DPP4: variants seen among roughly 807,000 people sequenced by gnomAD.
DPP4 encodes the protein dipeptidyl peptidase 4.
In DPP4, 93 loss-of-function variants were observed where a neutral mutation model predicts 122.4. That is an observed-to-expected ratio of 0.76 (90% CI 0.64 to 0.90). DPP4 has a LOEUF of 0.90. Ranked by LOEUF, DPP4 falls within the 40% of genes least tolerant of loss-of-function variation. The pLI is 0.00. For missense variants in DPP4, 914 were observed against 907.3 expected (o/e 1.01, Z -0.09); for synonymous variants, 321 against 302.9 (o/e 1.06, Z -0.62).
rs566503153 is a variant in DPP4 at position 162,048,161 on chromosome 2, G to T, written c.95-660C>A. The stretch of plus-strand genomic sequence containing the variant: ...ACATGCTGATCACCCAATTCAGGGA[G>T]CTTCATTAATATCATCACTTTTCTT... On this transcript the variant is annotated intron_variant, in intron 2 of 25. Transcript: ENST00000360534. Among the ~76,000 whole-genome samples the T allele has an allele frequency of 7.0e-4, 107 of 152,280 alleles. No individual in the cohort carries two copies. In the South Asian group the frequency reaches 8.7e-3, roughly 12 times the overall value.
In DPP4 at chr2:162,071,345, C is replaced by G. The variant is rs192331785; in HGVS notation, c.94+2054G>C. Among the ~76,000 whole-genome samples, 108 of 152,292 alleles carry G rather than the reference C, an allele frequency of 7.1e-4. 1 individual carries two copies. The highest frequency in any genetic ancestry group is 7.1e-3 in the Admixed American group (108 of 15,306). ...CAAGCTTGGCCCACAAAAGAAACCT[C>G]TTATAAGAAGTCTCTCCGCCGGGTG... On this transcript the variant is annotated intron_variant, in intron 2 of 25. Coordinates refer to ENST00000360534, the MANE Select transcript of DPP4 (RefSeq NM_001935.4).
chr2:162,008,913 G>A (rs1701350202), intron 21 of DPP4, among the ~76,000 whole-genome samples: 1 of 152,058 alleles, frequency 6.6e-6, no homozygotes, highest in South Asian at 2.1e-4. Flanking sequence ...TGACTGGGTG[G>A]TACCAATTAT....
Position 162,055,534 on chromosome 2 carries a change from T to C in DPP4, c.95-8033A>G, listed in dbSNP as rs151232694. Reference sequence around the variant, plus strand: ...CAACATGGTGAAACCCCATCTCTACTAAAATACAAAAAAAAGTCATCCTGG... The same window carrying C: ...CAACATGGTGAAACCCCATCTCTACCAAAATACAAAAAAAAGTCATCCTGG... On this transcript the variant is annotated intron_variant, in intron 2 of 25. Transcript: ENST00000360534. 1.7e-4 allele frequency among the ~76,000 whole-genome samples: 26 copies of C among 151,670 alleles called. No homozygotes were observed. The East Asian group carries it at 5.1e-3, about 29-fold the overall frequency.
chr2:162,017,032 A>G, intron 17 of DPP4, 76 bp downstream of exon 17: 1 of 1,510,758 alleles, frequency 6.6e-7, no homozygotes, highest in Non-Finnish European at 9.1e-7. Flanking sequence ...AGAAAATCAC[A>G]CAATGCTAAG....
chr2:162,019,265 C>T lies in DPP4; in HGVS notation c.1256G>A (p.Ser419Asn). ...TCCTGGCATTCCTTTATATTCATTA[C>T]TAATGTAGTATCTAGGAAGAGAAAA... ...ALTSDYLYYI[S>N]NEYKGMPGGR... is the part of the protein sequence containing the mutation. Residue 419 changes from serine to asparagine, a missense_variant, in exon 15 of 26, where the codon AGT (serine) becomes AAT (asparagine). Ser to Asn is a conservative substitution (Grantham distance 46). Coordinates refer to ENST00000360534, the MANE Select transcript of DPP4 (RefSeq NM_001935.4). 1 of 1,564,062 alleles carries T rather than the reference C, an allele frequency of 6.4e-7. No homozygotes were observed. Among genetic ancestry groups the T allele is most frequent in the East Asian group, 2.2e-5 (1 of 44,480 alleles).
chr2:162,026,187 C>T (rs530848944), intron 10 of DPP4, among the ~76,000 whole-genome samples: 5 of 152,272 alleles, frequency 3.3e-5, no homozygotes, highest in South Asian at 2.1e-4. Flanking sequence ...ACTGGGCACT[C>T]GGGATGGATT....
intron 5 of DPP4, among the ~76,000 whole-genome samples, 169 bp downstream of exon 5, chr2:162,045,363 C>T (rs1488845212): frequency 6.6e-6 from 1 of 152,110 alleles, no homozygotes; most frequent in African/African-American, 2.4e-5. Context: ...TTTTAAAACA[C>T]TGAACTTGTC....
At chr2:162,060,520 C>T (rs149433915) in intron 2 of DPP4, among the ~76,000 whole-genome samples, 1 of 152,300 alleles carries the variant, frequency 6.6e-6, no homozygotes, top group Non-Finnish European at 1.5e-5. Flanking sequence ...TTGTTTTCTT[C>T]CCTTTTTTCA....
chr2:162,019,247 A>T lies in DPP4; in HGVS notation c.1274T>A (p.Met425Lys). The change falls in exon 15 of 26, where the codon ATG (methionine) becomes AAG (lysine). Residue 425 changes from methionine to lysine, a missense_variant. Coordinates refer to ENST00000360534, the MANE Select transcript of DPP4 (RefSeq NM_001935.4). ...LYYISNEYKG[M>K]PGGRNLYKIQ... Reference sequence around the variant, plus strand: ...CTTATAAAGATTCCTTCCTCCTGGCATTCCTTTATATTCATTACTAATGTA... The same window carrying T: ...CTTATAAAGATTCCTTCCTCCTGGCTTTCCTTTATATTCATTACTAATGTA... 1 of 1,588,470 alleles carries T rather than the reference A, an allele frequency of 6.3e-7. No homozygotes were observed. Among genetic ancestry groups the T allele is most frequent in the Admixed American group, 1.7e-5 (1 of 58,318 alleles).
rs760153384 is a variant in DPP4 at position 162,073,982 on chromosome 2, C to T, written c.-1G>A. 1.2e-6 allele frequency: 2 copies of T among 1,612,262 alleles called. No homozygotes were observed. The highest frequency in any genetic ancestry group is 2.2e-5 in the South Asian group (2 of 90,762). ...TACGTGGCGCGGCACTCACCTTCAT[C>T]GTCGGCGTCTCCTCGGAAGTGAGCG... On this transcript the variant is annotated 5_prime_UTR_variant, in exon 1 of 26. Transcript: ENST00000360534.
At position 162,071,446 on chromosome 2, in the gene DPP4, A is replaced by G. The variant is rs180778833; in HGVS notation, c.94+1953T>C. Among the ~76,000 whole-genome samples, 486 of 152,222 alleles carry G rather than the reference A, an allele frequency of 3.2e-3. 1 individual carries two copies. The highest frequency in any genetic ancestry group is 0.011 in the African/African-American group (465 of 41,526). ...ATCATGAGGTCAGGAGATAAAGACCATCCTGGCCAACATGGTAAAACCCCA... is the reference window on the plus strand; with the variant it reads ...ATCATGAGGTCAGGAGATAAAGACCGTCCTGGCCAACATGGTAAAACCCCA... On this transcript the variant is annotated intron_variant, in intron 2 of 25. Transcript: ENST00000360534.
intron 12 of DPP4, among the ~76,000 whole-genome samples, chr2:162,021,306 C>A (rs1030677208): frequency 2.0e-5 from 3 of 151,988 alleles, no homozygotes; most frequent in Non-Finnish European, 2.9e-5. Flanking sequence ...CAACAATTTA[C>A]AAAAAATATT....
At chr2:161,993,624 AGAGAACTCACTGTGAATTTGGCTTT>A (rs1700920741) in intron 25 of DPP4, among the ~76,000 whole-genome samples, 1 of 152,148 alleles carries the variant, frequency 6.6e-6, no homozygotes, top group Non-Finnish European at 1.5e-5. Flanking sequence ...GCAGGTGCTG[AGAGAACTCACTGTGAATTTGGCTTT>A]ATTGAATAGT....
At chr2:162,009,658 A>T (rs1701373347) in intron 20 of DPP4, among the ~76,000 whole-genome samples, 1 of 151,924 alleles carries the variant, frequency 6.6e-6, no homozygotes, top group African/African-American at 2.4e-5. Flanking sequence ...ATCTCTCCAG[A>T]TGTTTTTCAG....
intron 10 of DPP4, among the ~76,000 whole-genome samples, chr2:162,025,854 G>C (rs1169324925): frequency 2.0e-5 from 3 of 151,998 alleles, no homozygotes; most frequent in Non-Finnish European, 4.4e-5. Flanking sequence ...GCCTGGTCTG[G>C]TGGCTGTATC....
chr2:162,014,890 T>G (rs1682854255), intron 18 of DPP4, among the ~76,000 whole-genome samples: 1 of 152,236 alleles, frequency 6.6e-6, no homozygotes, highest in Admixed American at 6.5e-5. Context: ...GCCCCAACTC[T>G]ATTTTAGAAT....
At chr2:162,049,416 G>T (rs1206683322) in intron 2 of DPP4, among the ~76,000 whole-genome samples, 1 of 151,732 alleles carries the variant, frequency 6.6e-6, no homozygotes, top group African/African-American at 2.4e-5. Context: ...TTATAAGTAG[G>T]AGGTGAACAA....
At chr2:162,058,578 A>G (rs1684655621) in intron 2 of DPP4, among the ~76,000 whole-genome samples, 1 of 152,238 alleles carries the variant, frequency 6.6e-6, no homozygotes, top group Non-Finnish European at 1.5e-5. Flanking sequence ...GTTTTTCTGA[A>G]TCTCGTTATT....
intron 5 of DPP4, among the ~76,000 whole-genome samples, chr2:162,043,936 G>A (rs1401203849): frequency 2.0e-5 from 3 of 152,152 alleles, no homozygotes; most frequent in Admixed American, 6.5e-5. Context: ...GCTGAGGTAG[G>A]AGGATTAGTC....
Sources: gnomAD v4.1 joint callset for allele counts (sites outside exome capture counted in the v4.1 genomes callset) on GRCh38, gnomAD v4.1.1 for gene constraint, MANE v1.5 for transcripts, NCBI Gene and HGNC (gene_info 2026-07-23, HGNC 2026-07-21) for gene names.